Variants in MED12L observed in about 807,000 individuals in gnomAD.
MED12L encodes mediator complex subunit 12L, also known as mediator of RNA polymerase II transcription subunit 12-like protein.
A neutral mutation model predicts 281.3 loss-of-function variants in MED12L; 60 were observed. The observed-to-expected ratio is 0.21, with a 90% CI of 0.17 to 0.26. MED12L has a LOEUF of 0.26. MED12L is among the 10% of genes least tolerant of loss of function. MED12L has a pLI of 1.00. For synonymous variants in MED12L, 974 were observed against 987.2 expected, an observed-to-expected ratio of 0.99 and a Z score of 0.25; for missense variants, 2,146 against 2,680.9, an observed-to-expected ratio of 0.80 and a Z score of 4.41.
At chr3:151,268,524 G>T (rs1017672508) in intron 16 of MED12L, among the ~76,000 whole-genome samples, 3 of 152,132 alleles carry the variant, frequency 2.0e-5, no homozygotes, top group African/African-American at 7.2e-5. Flanking sequence ...GAAGCTTCCA[G>T]GTTTCTCCAT....
intron 43 of MED12L, among the ~76,000 whole-genome samples, chr3:151,417,875 A>G (rs182796459): frequency 3.0e-3 from 463 of 152,316 alleles, no homozygotes; most frequent in Non-Finnish European, 5.3e-3. Context: ...TCTACTTCAG[A>G]AAACCTTCTT....
At chr3:151,246,214 C>T (rs1307539208) in intron 16 of MED12L, among the ~76,000 whole-genome samples, 5 of 152,140 alleles carry the variant, frequency 3.3e-5, no homozygotes. Context: ...TTTATAGATT[C>T]AATGCCATCC....
At chr3:151,186,359 C>T (rs73155800) in intron 12 of MED12L, among the ~76,000 whole-genome samples, 23 of 152,254 alleles carry the variant, frequency 1.5e-4, no homozygotes, top group Non-Finnish European at 3.2e-4. Flanking sequence ...CCGATCTTTT[C>T]GAAATGTAAA....
intron 9 of MED12L, among the ~76,000 whole-genome samples, chr3:151,164,941 A>G (rs1417512507): frequency 6.6e-6 from 1 of 152,088 alleles, no homozygotes; most frequent in African/African-American, 2.4e-5. Context: ...AACATGGCGC[A>G]TGTATACATA....
At chr3:151,293,941 C>T (rs1024010994) in intron 16 of MED12L, 10 of 511,172 alleles carry the variant, frequency 2.0e-5, no homozygotes, top group East Asian at 1.3e-4. Flanking sequence ...TCTGCCCTTT[C>T]ACTCTGCTCC....
At chr3:151,389,797 T>A (rs1713947546) in intron 37 of MED12L, among the ~76,000 whole-genome samples, 182 bp from the exon 38 acceptor site, 1 of 152,150 alleles carries the variant, frequency 6.6e-6, no homozygotes, top group Admixed American at 6.6e-5. Flanking sequence ...AAGGAAAAGT[T>A]TACCTCAAAT....
intron 16 of MED12L, among the ~76,000 whole-genome samples, chr3:151,208,739 G>A (rs1364259616): frequency 6.6e-6 from 1 of 152,112 alleles, no homozygotes; most frequent in Non-Finnish European, 1.5e-5. Flanking sequence ...TGGATATGAT[G>A]AGGGCCATGT....
chr3:151,286,960 G>A (rs1387185619), intron 16 of MED12L, among the ~76,000 whole-genome samples: 1 of 152,142 alleles, frequency 6.6e-6, no homozygotes, highest in Non-Finnish European at 1.5e-5. Flanking sequence ...AGTTGAGAGG[G>A]CTTCCCAGCT....
intron 16 of MED12L, chr3:151,214,341 C>G: frequency 6.2e-7 from 1 of 1,600,138 alleles, no homozygotes; most frequent in Non-Finnish European, 8.5e-7. Flanking sequence ...AGGCAGAGGC[C>G]TGAAAAGAGG....
intron 21 of MED12L, among the ~76,000 whole-genome samples, chr3:151,361,293 G>A (rs1183269278): frequency 6.6e-6 from 1 of 151,932 alleles, no homozygotes; most frequent in Non-Finnish European, 1.5e-5. Flanking sequence ...GTGTTAATGA[G>A]TTTTTTTAAA....
chr3:151,377,998 G>A lies in MED12L; in HGVS notation c.4317-14G>A, dbSNP rs756471625. ...GGATGCTTTCTCCGGTGTAACACCT[G>A]TTTCTGATTTTAGTTCCTCCGAACG... On this transcript the variant is annotated splice_polypyrimidine_tract_variant and intron_variant, in intron 30 of 44. Coordinates refer to ENST00000687756, the MANE Select transcript of MED12L (RefSeq NM_001393769.1). The A allele has an allele frequency of 1.3e-6, 2 of 1,584,520 alleles. No homozygotes were observed. Among genetic ancestry groups the A allele is most frequent in the Admixed American group, 1.7e-5 (1 of 57,508 alleles).
chr3:151,218,148 C>T (rs547904727), intron 16 of MED12L, among the ~76,000 whole-genome samples: 129 of 151,890 alleles, frequency 8.5e-4, no homozygotes, highest in Non-Finnish European at 1.7e-3. Context: ...GTTTTATTCT[C>T]ATGCTGATTT....
rs1720761475 is a variant in MED12L, at chr3:151,096,665, A to G, written c.99+9640A>G. 2.0e-5 allele frequency among the ~76,000 whole-genome samples: 3 copies of G among 151,812 alleles called. No individual in the cohort carries two copies. The South Asian group carries it at 6.2e-4, about 32-fold the overall frequency. ...TGTAGGTCTGCTATTTTGGGGGGGG[A>G]AGCCATGCATGTTTATAGCTAGAAG... is the stretch of plus-strand genomic sequence containing the variant. On this transcript the variant is annotated intron_variant, in intron 2 of 44. Transcript: ENST00000687756.
intron 16 of MED12L, among the ~76,000 whole-genome samples, chr3:151,339,433 A>G (rs960113412): frequency 8.6e-6 from 1 of 115,670 alleles, no homozygotes; most frequent in Non-Finnish European, 2.1e-5. Context: ...TGAATCAGTA[A>G]AAAAAAAAAA....
chr3:151,433,030 G>C lies in MED12L; in HGVS notation c.*226G>C. ...TCACCTTTAAAGTAGGTTTACAAAT[G>C]TGAATCATGCAGGCAGGCCTACTCC... On this transcript the variant is annotated 3_prime_UTR_variant, in exon 45 of 45. Transcript: ENST00000687756. 1 of 488,572 alleles carries C rather than the reference G, an allele frequency of 2.0e-6. No homozygotes were observed. Among genetic ancestry groups the C allele is most frequent in the Non-Finnish European group, 3.7e-6 (1 of 273,548 alleles). 30.3% of individuals were successfully genotyped at this position (488,572 alleles called of 1,614,324 possible). A position where few individuals can be genotyped will look rare whatever the true frequency, so the allele number is the denominator to read the frequency against.
At chr3:151,213,274 GTCTT>G in intron 16 of MED12L, 1 of 1,538,412 alleles carries the variant, frequency 6.5e-7, no homozygotes, top group Non-Finnish European at 8.8e-7. Context: ...TGCACACGTG[GTCTT>G]TCTTTGGAAG....
At chr3:151,417,487 C>CCCTT (rs1717736742) in intron 43 of MED12L, among the ~76,000 whole-genome samples, 46 of 78,796 alleles carry the variant, frequency 5.8e-4, no homozygotes, top group South Asian at 1.2e-3. Context: ...CCCCCCCCGC[C>CCCTT]TTTTTTTTTT....
At chr3:151,163,848 T>C in intron 8 of MED12L, 45 bp from the exon 9 acceptor site, 1 of 1,586,396 alleles carries the variant, frequency 6.3e-7, no homozygotes, top group Non-Finnish European at 8.6e-7. Flanking sequence ...TTGTTATGCT[T>C]TTCTCCTTCC....
intron 16 of MED12L, among the ~76,000 whole-genome samples, chr3:151,262,966 G>A (rs867915424): frequency 6.6e-5 from 10 of 152,250 alleles, no homozygotes; most frequent in East Asian, 1.9e-4. Context: ...AGGGGAAGCC[G>A]TAGTTCTCTA....
Sources: gnomAD v4.1 joint callset for allele counts (sites outside exome capture counted in the v4.1 genomes callset) on GRCh38, gnomAD v4.1.1 for gene constraint, MANE v1.5 for transcripts, NCBI Gene and HGNC (gene_info 2026-07-23, HGNC 2026-07-21) for gene names.